UNC5C: variants seen among roughly 807,000 people sequenced by gnomAD.
UNC5C encodes netrin receptor UNC5C.
UNC5C carries 47 observed loss-of-function variants against 99.8 expected under a neutral mutation model. The ratio of observed to expected loss-of-function variants is 0.47; its 90% CI spans 0.37 to 0.60. The LOEUF (loss-of-function observed/expected upper bound fraction) is 0.60. Ranked by LOEUF, UNC5C falls within the 20% of genes least tolerant of loss-of-function variation. The probability of loss-of-function intolerance (pLI) is 0.00; values close to 1 mark genes in which losing one functional copy is unlikely to be tolerated. For missense variants in UNC5C, 1,062 were observed against 1,165.9 expected (o/e 0.91, Z 1.30); for synonymous variants, 487 against 452.2 (o/e 1.08, Z -0.98).
chr4:95,466,132 A>G (rs1294229120), intron 1 of UNC5C, among the ~76,000 whole-genome samples: 1 of 152,234 alleles, frequency 6.6e-6, no homozygotes, highest in African/African-American at 2.4e-5. Flanking sequence ...ATGACAATGT[A>G]TAATTGTCTA....
chr4:95,317,918 T>A (rs1397513217), intron 2 of UNC5C, among the ~76,000 whole-genome samples: 1 of 152,098 alleles, frequency 6.6e-6, no homozygotes, highest in Non-Finnish European at 1.5e-5. Flanking sequence ...AAATGCTTGG[T>A]GGCTGTAGTG....
At chr4:95,371,435 AG>A (rs1744746620) in intron 1 of UNC5C, among the ~76,000 whole-genome samples, 2 of 41,716 alleles carry the variant, frequency 4.8e-5, no homozygotes, top group East Asian at 4.7e-3. Flanking sequence ...GGGGGGGGGG[AG>A]TATCAAATGT....
intron 1 of UNC5C, among the ~76,000 whole-genome samples, chr4:95,358,272 A>T (rs1029005588): frequency 2.0e-5 from 3 of 152,178 alleles, no homozygotes; most frequent in African/African-American, 7.2e-5. Flanking sequence ...CTTTTTTAAA[A>T]TCATAGTTTC....
intron 1 of UNC5C, among the ~76,000 whole-genome samples, chr4:95,547,537 G>A (rs1414003097): frequency 1.3e-5 from 2 of 152,188 alleles, no homozygotes; most frequent in Non-Finnish European, 2.9e-5. Context: ...CGAGAGTGAA[G>A]GGAGAATCCC....
At chr4:95,383,284 CACACACTT>C (rs1318754583) in intron 1 of UNC5C, among the ~76,000 whole-genome samples, 1 of 137,264 alleles carries the variant, frequency 7.3e-6, no homozygotes, top group African/African-American at 2.7e-5. Flanking sequence ...CACACACACA[CACACACTT>C]ATTTATTGTT....
At chr4:95,388,882 A>C (rs191043973) in intron 1 of UNC5C, among the ~76,000 whole-genome samples, 31 of 152,298 alleles carry the variant, frequency 2.0e-4, no homozygotes, top group Non-Finnish European at 3.4e-4. Flanking sequence ...CATGGGCCTA[A>C]AGCCCTAATT....
chr4:95,258,743 A>ATTTTTTT (rs1740102405), intron 4 of UNC5C, among the ~76,000 whole-genome samples: 1 of 85,868 alleles, frequency 1.2e-5, no homozygotes, highest in Non-Finnish European at 2.5e-5. Context: ...CGACCATCTT[A>ATTTTTTT]TTCTTTTTTT....
chr4:95,509,808 T>C (rs1277667238), intron 1 of UNC5C, among the ~76,000 whole-genome samples: 1 of 151,904 alleles, frequency 6.6e-6, no homozygotes, highest in African/African-American at 2.4e-5. Context: ...ATAAACAATA[T>C]AAATAACATG....
chr4:95,301,568 C>A, intron 3 of UNC5C, 38 bp downstream of exon 3: 2 of 1,612,560 alleles, frequency 1.2e-6, no homozygotes. Flanking sequence ...TGTGTATCAA[C>A]TTCTGAGACC....
At position 95,287,690 on chromosome 4, in the gene UNC5C, C is replaced by T. The variant is rs192182606; in HGVS notation, c.491-9328G>A. Among the ~76,000 whole-genome samples, 516 of 152,332 alleles carry T rather than the reference C, an allele frequency of 3.4e-3. 2 individuals carry two copies. Among genetic ancestry groups the T allele is most frequent in the African/African-American group, 0.011 (473 of 41,576 alleles). Reference sequence around the variant, plus strand: ...GAGGCCACAGCGGAGCAGGGATTAACAGGCAAGATGCAATGAATCTGCATC... The same window carrying T: ...GAGGCCACAGCGGAGCAGGGATTAATAGGCAAGATGCAATGAATCTGCATC... On this transcript the variant is annotated intron_variant, in intron 3 of 15. Transcript: ENST00000453304.
rs1213259280 is a variant in UNC5C at position 95,165,378 on chromosome 4, A to G, written c.*3856T>C. On this transcript the variant is annotated 3_prime_UTR_variant, in exon 16 of 16. Transcript: ENST00000453304. ...CACCCAAAAGTTGTCCAGTTCTTGA[A>G]GAGCCTAACTTGCTCACAGCAGGAT... 1 of 152,234 alleles carries G rather than the reference A, an allele frequency of 6.6e-6. No homozygotes were observed. Among genetic ancestry groups the G allele is most frequent in the Non-Finnish European group, 1.5e-5 (1 of 68,044 alleles). The allele number at this position is 152,234 out of a possible 1,614,324, so 9.4% of individuals were successfully genotyped here.
At chr4:95,469,050 A>C (rs769872518) in intron 1 of UNC5C, among the ~76,000 whole-genome samples, 26 of 152,110 alleles carry the variant, frequency 1.7e-4, no homozygotes, top group Non-Finnish European at 2.6e-4. Flanking sequence ...GGGCAGTTCC[A>C]GTCATAACCC....
In UNC5C at chr4:95,169,445, A is replaced by G. The variant is rs746444844; in HGVS notation, c.2631-46T>C. On this transcript the variant is annotated intron_variant, in intron 15 of 15. Coordinates refer to ENST00000453304, the MANE Select transcript of UNC5C (RefSeq NM_003728.4). ...ATGTGCTCAACAGTGTGACTTACAT[A>G]TCTATTTTTCCTCAGCTAAACCTTT... The G allele has an allele frequency of 3.1e-6, 5 of 1,595,784 alleles. No homozygotes were observed. In the South Asian group the frequency reaches 4.5e-5, roughly 14 times the overall value.
chr4:95,383,583 T>A (rs1283405906), intron 1 of UNC5C, among the ~76,000 whole-genome samples: 1 of 152,192 alleles, frequency 6.6e-6, no homozygotes, highest in Non-Finnish European at 1.5e-5. Flanking sequence ...TACCTTTTGC[T>A]AACTGCATGT....
At chr4:95,169,541 C>G in intron 15 of UNC5C, 142 bp from the exon 16 acceptor site, 1 of 885,106 alleles carries the variant, frequency 1.1e-6, no homozygotes, top group Non-Finnish European at 1.7e-6. Context: ...AAATAACTAG[C>G]CCATGCTTAA....
At chr4:95,261,755 G>A (rs1021203264) in intron 4 of UNC5C, among the ~76,000 whole-genome samples, 1 of 151,128 alleles carries the variant, frequency 6.6e-6, no homozygotes, top group Non-Finnish European at 1.5e-5. Context: ...CCAGGCTGGA[G>A]TGCGGTGGCG....
chr4:95,486,507 A>G (rs919578800), intron 1 of UNC5C, among the ~76,000 whole-genome samples: 8 of 151,602 alleles, frequency 5.3e-5, no homozygotes, highest in Non-Finnish European at 8.8e-5. Flanking sequence ...TCCCAAGTAT[A>G]TGGTGTCCAT....
chr4:95,191,971 AC>A (rs1220051700), intron 12 of UNC5C, among the ~76,000 whole-genome samples: 3 of 37,702 alleles, frequency 8.0e-5, no homozygotes, highest in East Asian at 7.5e-4. Context: ...TCCCCTGCTC[AC>A]CTCCTCCCCT....
intron 1 of UNC5C, among the ~76,000 whole-genome samples, chr4:95,487,273 G>A (rs1164410150): frequency 6.6e-6 from 1 of 151,764 alleles, no homozygotes; most frequent in African/African-American, 2.4e-5. Flanking sequence ...AACAGTACAT[G>A]CTTGTTGAAT....
Sources: gnomAD v4.1 joint callset for allele counts (sites outside exome capture counted in the v4.1 genomes callset) on GRCh38, gnomAD v4.1.1 for gene constraint, MANE v1.5 for transcripts, NCBI Gene and HGNC (gene_info 2026-07-23, HGNC 2026-07-21) for gene names.